Variants in LINGO2 observed in about 807,000 individuals in gnomAD.
The protein encoded by LINGO2 is leucine-rich repeat and immunoglobulin-like domain-containing nogo receptor-interacting protein 2.
LINGO2 carries 14 observed loss-of-function variants against 30.6 expected under a neutral mutation model. The observed-to-expected ratio is 0.46, with a 90% confidence interval of 0.30 to 0.72. LINGO2 has a LOEUF of 0.72. Among genes scored for constraint, LINGO2 ranks in the 30% least tolerant of loss-of-function variants. The probability of loss-of-function intolerance (pLI) is 0.07; values close to 1 mark genes in which losing one functional copy is unlikely to be tolerated. For synonymous variants in LINGO2, 317 were observed against 288.5 expected (o/e 1.10, Z -1.00); for missense variants, 729 against 751.7 (o/e 0.97, Z 0.35).
chr9:28,862,650 C>T, the LINGO2 span, among the ~76,000 whole-genome samples: 1 of 152,046 alleles, frequency 6.6e-6, no homozygotes, highest in African/African-American at 2.4e-5. Flanking sequence ...AAAGTAATTT[C>T]AGAAGCCTGT....
At chr9:28,945,564 G>A in the LINGO2 span, among the ~76,000 whole-genome samples, 2 of 152,080 alleles carry the variant, frequency 1.3e-5, no homozygotes, top group Non-Finnish European at 2.9e-5. Flanking sequence ...TAATCTTCAA[G>A]GTGAAAAAAT....
intron 1 of LINGO2, among the ~76,000 whole-genome samples, chr9:28,595,755 G>A (rs1825143084): frequency 6.6e-6 from 1 of 152,082 alleles, no homozygotes; most frequent in Admixed American, 6.6e-5. Context: ...GCAGAAACTA[G>A]GAAAGTAGGA....
the LINGO2 span, among the ~76,000 whole-genome samples, chr9:28,858,887 A>G: frequency 6.6e-6 from 1 of 152,078 alleles, no homozygotes. Context: ...AGCTCTTGTG[A>G]TTTTATTATG....
At chr9:29,015,913 C>A in the LINGO2 span, among the ~76,000 whole-genome samples, 1 of 151,888 alleles carries the variant, frequency 6.6e-6, no homozygotes, top group Non-Finnish European at 1.5e-5. Context: ...TTATTCAACC[C>A]CCTTCATCAC....
At chr9:28,947,601 T>C in the LINGO2 span, among the ~76,000 whole-genome samples, 3 of 151,998 alleles carry the variant, frequency 2.0e-5, no homozygotes, top group Non-Finnish European at 4.4e-5. Flanking sequence ...AATAGACTTT[T>C]TGTTGAATCT....
chr9:28,589,245 C>T (rs935688630), intron 1 of LINGO2, among the ~76,000 whole-genome samples: 2 of 152,114 alleles, frequency 1.3e-5, no homozygotes, highest in Middle Eastern at 3.4e-3. Flanking sequence ...CAGCACAAGA[C>T]GGGGATGCCC....
At chr9:28,673,604 T>C (rs1248482744), upstream of LINGO2, among the ~76,000 whole-genome samples, 1 of 151,930 alleles carries the variant, frequency 6.6e-6, no homozygotes, top group Non-Finnish European at 1.5e-5. Flanking sequence ...GAGGCGCAAG[T>C]TGCAGTGAGC....
the LINGO2 span, among the ~76,000 whole-genome samples, chr9:28,875,019 C>CTCTG: frequency 6.6e-6 from 1 of 152,032 alleles, no homozygotes; most frequent in African/African-American, 2.4e-5. Flanking sequence ...TTTTCTCTCT[C>CTCTG]AGAGAGAATT....
chr9:28,362,988 A>G (rs928646651), intron 3 of LINGO2, among the ~76,000 whole-genome samples: 1 of 152,230 alleles, frequency 6.6e-6, no homozygotes, highest in Non-Finnish European at 1.5e-5. Context: ...GTAGAGTGTG[A>G]AAACCTTCAT....
At chr9:28,600,645 CA>C (rs1344327074) in intron 1 of LINGO2, among the ~76,000 whole-genome samples, 2 of 151,916 alleles carry the variant, frequency 1.3e-5, no homozygotes, top group Non-Finnish European at 2.9e-5. Flanking sequence ...AATCGAAGGT[CA>C]AAATGAGCTA....
the LINGO2 span, among the ~76,000 whole-genome samples, chr9:28,809,186 T>A: frequency 6.6e-6 from 1 of 152,218 alleles, no homozygotes; most frequent in African/African-American, 2.4e-5. Flanking sequence ...AGAACAGTAT[T>A]CACTAAAAGA....
At chr9:27,977,212 T>C (rs1820641908) in intron 5 of LINGO2, among the ~76,000 whole-genome samples, 1 of 151,770 alleles carries the variant, frequency 6.6e-6, no homozygotes, top group Non-Finnish European at 1.5e-5. Context: ...AGAAAAGATA[T>C]TCACAATCAC....
chr9:27,967,157 G>C (rs1462265071), intron 5 of LINGO2, among the ~76,000 whole-genome samples: 1 of 152,132 alleles, frequency 6.6e-6, no homozygotes, highest in Non-Finnish European at 1.5e-5. Context: ...CTCTGGAAAT[G>C]AACAAATAAA....
the LINGO2 span, among the ~76,000 whole-genome samples, chr9:28,861,913 A>G: frequency 6.6e-6 from 1 of 152,168 alleles, no homozygotes; most frequent in Non-Finnish European, 1.5e-5. Context: ...ATTATGAGAT[A>G]TGCTTATTAG....
At chr9:28,859,296 G>A in the LINGO2 span, among the ~76,000 whole-genome samples, 1 of 151,962 alleles carries the variant, frequency 6.6e-6, no homozygotes, top group Non-Finnish European at 1.5e-5. Context: ...GACAAAATTA[G>A]GACACTGATT....
the LINGO2 span, among the ~76,000 whole-genome samples, chr9:29,033,833 C>T: frequency 6.6e-6 from 1 of 151,990 alleles, no homozygotes; most frequent in Non-Finnish European, 1.5e-5. Flanking sequence ...GTAATCATAG[C>T]ACTTTGGGAG....
chr9:28,295,474 T>C (rs528015410), intron 3 of LINGO2, 108 bp from the exon 6 acceptor site: 28 of 152,728 alleles, frequency 1.8e-4, no homozygotes, highest in African/African-American at 6.7e-4. Context: ...AAGGAGTGTG[T>C]GAGGGACTAT....
the LINGO2 span, among the ~76,000 whole-genome samples, chr9:28,970,651 C>G: frequency 2.0e-5 from 3 of 152,126 alleles, no homozygotes; most frequent in African/African-American, 7.2e-5. Flanking sequence ...AGACCAGACT[C>G]AGCTGACATC....
intron 2 of LINGO2, among the ~76,000 whole-genome samples, chr9:28,402,021 A>G (rs1365458219): frequency 6.6e-6 from 1 of 152,056 alleles, no homozygotes; most frequent in Non-Finnish European, 1.5e-5. Flanking sequence ...TGTTCTTTAG[A>G]TTGAAAAAAA....
Sources: gnomAD v4.1 joint callset for allele counts (sites outside exome capture counted in the v4.1 genomes callset) on GRCh38, gnomAD v4.1.1 for gene constraint, MANE v1.5 for transcripts, NCBI Gene and HGNC (gene_info 2026-07-23, HGNC 2026-07-21) for gene names.